The following KAZN variants were observed in gnomAD, a reference collection of about 807,000 sequenced individuals.
KAZN encodes kazrin.
Under a neutral mutation model 87.4 loss-of-function variants are expected in KAZN, and 40 were observed. The observed-to-expected ratio is 0.46, with a 90% CI of 0.36 to 0.60. The LOEUF (loss-of-function observed/expected upper bound fraction) is 0.60. KAZN is among the 20% of genes least tolerant of loss of function. The pLI is 0.00. For synonymous variants in KAZN, 466 were observed against 458.3 expected (o/e 1.02, Z -0.22); for missense variants, 898 against 1,073.9 (o/e 0.84, Z 2.29).
chr1:14,736,964 C>T lies in KAZN; in HGVS notation c.226+137741C>T, dbSNP rs75749648. Among the ~76,000 whole-genome samples, 341 of 152,130 alleles carry T rather than the reference C, an allele frequency of 2.2e-3. 6 individuals carry two copies. In the East Asian group the frequency reaches 0.043, roughly 19 times the overall value. On this transcript the variant is annotated intron_variant, in intron 1 of 14. Transcript: ENST00000376030. ...ACCAAAATCCTTGACCTGAGAGAGCCGACTTTCTTATGAAAGAGATCGGCG... is the reference window on the plus strand; with the variant it reads ...ACCAAAATCCTTGACCTGAGAGAGCTGACTTTCTTATGAAAGAGATCGGCG...
chr1:13,947,205 G>A (rs1641179380), intron 1 of KAZN, among the ~76,000 whole-genome samples: 1 of 152,186 alleles, frequency 6.6e-6, no homozygotes, highest in South Asian at 2.1e-4. Context: ...GGCAGAAGGG[G>A]AAGAAGGCAC....
chr1:14,060,220 G>C (rs1557441630), intron 1 of KAZN, among the ~76,000 whole-genome samples: 2 of 152,072 alleles, frequency 1.3e-5, no homozygotes, highest in Non-Finnish European at 2.9e-5. Flanking sequence ...AAAATTAGCT[G>C]GGCGTGGCAG....
At chr1:14,193,786 T>C (rs751487417) in intron 2 of KAZN, among the ~76,000 whole-genome samples, 74 of 152,020 alleles carry the variant, frequency 4.9e-4, no homozygotes, top group Admixed American at 4.5e-3. Flanking sequence ...TTGATCTCCA[T>C]AGAGTAACAG....
intron 2 of KAZN, among the ~76,000 whole-genome samples, chr1:14,484,996 A>G (rs951101361): frequency 6.6e-6 from 1 of 152,226 alleles, no homozygotes; most frequent in African/African-American, 2.4e-5. Context: ...ACACCACCAC[A>G]TACAATGAAG....
At position 14,580,059 on chromosome 1, in the gene KAZN, A is replaced by G. The variant is rs529368801; in HGVS notation, c.250-18924A>G. Among the ~76,000 whole-genome samples, 513 of 152,278 alleles carry G rather than the reference A, an allele frequency of 3.4e-3. 2 individuals carry two copies. The highest frequency in any genetic ancestry group is 0.02 in the South Asian group (94 of 4,820). ...TCACTCACAGCTACAGGAATCCGAC[A>G]TCTTTTTTGTGGCATATTATTTAGG... On this transcript the variant is annotated intron_variant, in intron 2 of 16. Coordinates refer to the KAZN transcript ENST00000636203.
chr1:14,017,565 C>T (rs1640627948), intron 1 of KAZN, among the ~76,000 whole-genome samples: 1 of 152,182 alleles, frequency 6.6e-6, no homozygotes, highest in Non-Finnish European at 1.5e-5. Flanking sequence ...AAGAGGTGAA[C>T]TCAGAGTTAA....
intron 2 of KAZN, among the ~76,000 whole-genome samples, chr1:14,978,899 G>A (rs1003618691): frequency 6.6e-6 from 1 of 152,036 alleles, no homozygotes; most frequent in Non-Finnish European, 1.5e-5. Context: ...AGGGCAGTGG[G>A]AGGGAGGTTT....
chr1:14,326,409 C>T (rs1485282898), intron 2 of KAZN, among the ~76,000 whole-genome samples: 1 of 152,174 alleles, frequency 6.6e-6, no homozygotes, highest in East Asian at 1.9e-4. Flanking sequence ...ACCTTTGCCT[C>T]CACAACCTGA....
intron 1 of KAZN, among the ~76,000 whole-genome samples, chr1:14,909,651 G>GCCA (rs1657021331): frequency 1.3e-5 from 2 of 152,120 alleles, no homozygotes; most frequent in Admixed American, 6.5e-5. Flanking sequence ...TCTTCAACTG[G>GCCA]CCACCTCCAG....
At chr1:14,806,114 G>A (rs537425168) in intron 1 of KAZN, among the ~76,000 whole-genome samples, 74 of 152,294 alleles carry the variant, frequency 4.9e-4, no homozygotes, top group African/African-American at 1.7e-3. Flanking sequence ...TTCCACCAGG[G>A]CCCTGGGACC....
chr1:14,137,673 G>A (rs890439353), intron 1 of KAZN, among the ~76,000 whole-genome samples: 7 of 150,932 alleles, frequency 4.6e-5, no homozygotes, highest in Non-Finnish European at 8.8e-5. Context: ...AGTATCTGGT[G>A]GTGAGTAAGC....
At position 15,067,887 on chromosome 1, in the gene KAZN, T is replaced by A. The variant is rs185737895; in HGVS notation, c.1222+2134T>A. The A allele has an allele frequency of 3.1e-5, 29 of 947,728 alleles. No homozygotes were observed. The East Asian group carries it at 2.1e-3, about 69-fold the overall frequency. The allele number at this position is 947,728 out of a possible 1,614,324, so 58.7% of individuals were successfully genotyped here. ...TTCTTTTCTGGTTGATTTTTATCAT[T>A]TTCCCTTTACTTACAAGAAAATAAG... is the stretch of plus-strand genomic sequence containing the variant. On this transcript the variant is annotated intron_variant, in intron 8 of 14. Coordinates refer to ENST00000376030, the MANE Select transcript of KAZN (RefSeq NM_201628.3).
chr1:14,722,878 C>G (rs2100299209), intron 1 of KAZN, among the ~76,000 whole-genome samples: 1 of 152,264 alleles, frequency 6.6e-6, no homozygotes, highest in Middle Eastern at 3.4e-3. Context: ...GTAATCCCAA[C>G]CCTTTGGGAG....
At chr1:14,513,313 G>T (rs1263964174) in intron 2 of KAZN, among the ~76,000 whole-genome samples, 2 of 152,174 alleles carry the variant, frequency 1.3e-5, no homozygotes, top group East Asian at 3.9e-4. Flanking sequence ...GTCAGAAGCA[G>T]CATCAGAGAG....
intron 1 of KAZN, among the ~76,000 whole-genome samples, chr1:14,126,365 T>TTC (rs199668834): frequency 7.5e-6 from 1 of 134,016 alleles, no homozygotes; most frequent in Admixed American, 7.1e-5. Flanking sequence ...CCCCCCCCCG[T>TTC]CAAGATGCTT....
At chr1:14,231,667 C>T (rs1647861362) in intron 2 of KAZN, among the ~76,000 whole-genome samples, 1 of 152,172 alleles carries the variant, frequency 6.6e-6, no homozygotes, top group South Asian at 2.1e-4. Context: ...CTAGCAATAA[C>T]TGGTTATCAG....
chr1:13,991,838 G>A (rs1050479771), intron 1 of KAZN, among the ~76,000 whole-genome samples: 11 of 151,940 alleles, frequency 7.2e-5, no homozygotes, highest in Non-Finnish European at 1.3e-4. Context: ...CTCATTTTCC[G>A]AGTGCACTCT....
chr1:14,565,167 C>T (rs1674484038), intron 2 of KAZN, among the ~76,000 whole-genome samples: 1 of 152,164 alleles, frequency 6.6e-6, no homozygotes. Context: ...CCTTTCCTCT[C>T]CCTCCCTGCC....
At chr1:14,868,861 A>G (rs1651828016) in intron 1 of KAZN, among the ~76,000 whole-genome samples, 1 of 151,900 alleles carries the variant, frequency 6.6e-6, no homozygotes, top group Non-Finnish European at 1.5e-5. Context: ...CTTAATAGCT[A>G]AGTAAAAATA....
Sources: gnomAD v4.1 joint callset for allele counts (sites outside exome capture counted in the v4.1 genomes callset) on GRCh38, gnomAD v4.1.1 for gene constraint, MANE v1.5 for transcripts, NCBI Gene and HGNC (gene_info 2026-07-23, HGNC 2026-07-21) for gene names.